Variants in CAPN10 observed in about 807,000 individuals in gnomAD.
CAPN10 encodes the protein calpain-10.
A neutral mutation model predicts 78.4 loss-of-function variants in CAPN10; 71 were observed. That is an observed-to-expected ratio of 0.91 (90% confidence interval 0.75 to 1.10). The LOEUF (loss-of-function observed/expected upper bound fraction) is 1.10, where lower values mean the gene tolerates loss of function less well. Ranked by LOEUF, CAPN10 falls within the 50% of genes least tolerant of loss-of-function variation. CAPN10 has a pLI of 0.00. For synonymous variants in CAPN10, 437 were observed against 407.2 expected (o/e 1.07, Z -0.88); for missense variants, 849 against 924.6 (o/e 0.92, Z 1.06).
Position 240,590,851 on chromosome 2 carries a change from G to A in CAPN10, c.310G>A (p.Glu104Lys). 1 of 1,614,234 alleles carries A rather than the reference G, an allele frequency of 6.2e-7. No individual in the cohort carries two copies. Among genetic ancestry groups the A allele is most frequent in the East Asian group, 2.2e-5 (1 of 44,894 alleles). The change falls in exon 3 of 12, where the codon GAG becomes AAG. Residue 104 changes from glutamate (E) to lysine (K), a missense_variant. Transcript: ENST00000391984. ...GGGACAGCCGAGCTGGGCCGACCAG[G>A]AGTACCGGGGCTCCTTCACCTGTCG... is the stretch of plus-strand genomic sequence containing the variant. ...PPGQPSWADQ[E>K]YRGSFTCRIW...
rs1249721523 is a variant in CAPN10, at chr2:240,596,860, C to T, written c.1661C>T (p.Pro554Leu). 2 of 1,613,478 alleles carry T rather than the reference C, an allele frequency of 1.2e-6. No homozygotes were observed. The highest frequency in any genetic ancestry group is 1.3e-5 in the African/African-American group (1 of 74,946). The stretch of plus-strand genomic sequence containing the variant: ...TTCTCGGTCCCCGAGGGCCCTGGCC[C>T]CCGCTGCGTCCGCATCACTCTGCAT... ...FPFSVPEGPG[P>L]RCVRITLHQH... The change falls in exon 9 of 12, where the codon CCC (proline) becomes CTC (leucine). Residue 554 changes from proline (P) to leucine (L), a missense_variant. Physicochemically the swap from Pro to Leu is moderately conservative, Grantham distance 98 (BLOSUM62 -3). Coordinates refer to ENST00000391984, the MANE Select transcript of CAPN10 (RefSeq NM_023083.4).
intron 9 of CAPN10, among the ~76,000 whole-genome samples, chr2:240,597,632 G>T (rs1213329705): frequency 6.6e-6 from 1 of 152,210 alleles, no homozygotes; most frequent in South Asian, 2.1e-4. Flanking sequence ...CCTTGGGGCG[G>T]GCTGGGCAGT....
chr2:240,589,127 G>T (rs2093085559), intron 1 of CAPN10, among the ~76,000 whole-genome samples: 1 of 152,146 alleles, frequency 6.6e-6, no homozygotes, highest in Non-Finnish European at 1.5e-5. Context: ...TTCCAGTAAG[G>T]AAGGAAGGCA....
intron 7 of CAPN10, chr2:240,595,840 TG>T: frequency 3.6e-6 from 3 of 834,200 alleles, no homozygotes; most frequent in Admixed American, 2.3e-5. Flanking sequence ...GAAGAACAGA[TG>T]GGGGCGCCTG....
chr2:240,586,860 G>C lies in CAPN10; in HGVS notation c.-52G>C. On this transcript the variant is annotated 5_prime_UTR_variant, in exon 1 of 12. Coordinates refer to ENST00000391984, the MANE Select transcript of CAPN10 (RefSeq NM_023083.4). ...CGGCGGCTGACTCGCCTTCTCTCCG[G>C]GGCTGCGACCCCGAGGCAACCGGCT... 7.5e-7 allele frequency: 1 copy of C among 1,329,530 alleles called. No individual in the cohort carries two copies. Among genetic ancestry groups the C allele is most frequent in the Non-Finnish European group, 9.6e-7 (1 of 1,043,930 alleles). 82.4% of individuals were successfully genotyped at this position (1,329,530 alleles called of 1,614,324 possible).
chr2:240,597,688 G>A (rs564251316), intron 9 of CAPN10, among the ~76,000 whole-genome samples, 200 bp from the exon 10 acceptor site: 2 of 152,286 alleles, frequency 1.3e-5, no homozygotes, highest in African/African-American at 4.8e-5. Context: ...TCCAGGCGGG[G>A]GCCCCACTGC....
chr2:240,598,599 G>A (rs2093152373), intron 11 of CAPN10, 52 bp from the exon 12 acceptor site: 1 of 1,552,178 alleles, frequency 6.4e-7, no homozygotes, highest in Non-Finnish European at 8.7e-7. Context: ...GGGGTGGGGT[G>A]TGAGAAGGGG....
intron 1 of CAPN10, among the ~76,000 whole-genome samples, chr2:240,588,089 G>A (rs1188812546): frequency 2.0e-5 from 3 of 152,126 alleles, no homozygotes; most frequent in Admixed American, 2.0e-4. Flanking sequence ...AGAGGGTGAG[G>A]ATAGTGGAGG....
intron 6 of CAPN10, 87 bp from the exon 7 acceptor site, chr2:240,594,937 G>A (rs12994375): frequency 2.1e-6 from 3 of 1,399,380 alleles, no homozygotes; most frequent in African/African-American, 1.5e-5. Context: ...CTGCTGCTTA[G>A]ACCCTGCCAG....
chr2:240,591,373 G>T, intron 3 of CAPN10: 1 of 259,572 alleles, frequency 3.9e-6, no homozygotes, highest in Non-Finnish European at 7.4e-6. Flanking sequence ...TCGTTGGGGA[G>T]GAATGAGGCT....
chr2:240,596,858 C>A lies in CAPN10; in HGVS notation c.1659C>A (p.Gly553=). The A allele has an allele frequency of 1.2e-6, 2 of 1,613,578 alleles. No homozygotes were observed. The highest frequency in any genetic ancestry group is 1.7e-6 in the Non-Finnish European group (2 of 1,180,010). The change falls in exon 9 of 12, where the codon GGC becomes GGA. Residue 553 remains glycine, a synonymous_variant. Transcript: ENST00000391984. ...CCTTCTCGGTCCCCGAGGGCCCTGG[C>A]CCCCGCTGCGTCCGCATCACTCTGC... The part of the protein sequence containing the change: ...CFPFSVPEGP[G]PRCVRITLHQ...
chr2:240,590,761 C>T lies in CAPN10; in HGVS notation c.274-54C>T, dbSNP rs556330121. On this transcript the variant is annotated intron_variant, in intron 2 of 11. Coordinates refer to ENST00000391984, the MANE Select transcript of CAPN10 (RefSeq NM_023083.4). ...CACCGCGGCCGGGACACTGGAGTAGCGCCGGGTGGTGCTTATATCACGCTC... is the reference window on the plus strand; with the variant it reads ...CACCGCGGCCGGGACACTGGAGTAGTGCCGGGTGGTGCTTATATCACGCTC... The T allele has an allele frequency of 1.9e-3, 2,949 of 1,551,978 alleles. 6 individuals carry two copies. Among genetic ancestry groups the T allele is most frequent in the Non-Finnish European group, 2.4e-3 (2,715 of 1,133,470 alleles).
rs1038442347 is a variant in CAPN10, at chr2:240,594,162, C to G, written c.830+115C>G. 2.8e-6 allele frequency: 3 copies of G among 1,087,950 alleles called. No homozygotes were observed. In the East Asian group the frequency reaches 7.7e-5, roughly 28 times the overall value. The allele number at this position is 1,087,950 out of a possible 1,614,324, so 67.4% of individuals were successfully genotyped here. ...CTGTACTTGGCTGTCTCCAGCAAGG[C>G]CCCTGAGTCCCTGCTCTCGTGACAC... On this transcript the variant is annotated intron_variant, in intron 5 of 11. Coordinates refer to ENST00000391984, the MANE Select transcript of CAPN10 (RefSeq NM_023083.4).
At position 240,586,782 on chromosome 2, in the gene CAPN10, C is replaced by CGGGCTTGGA. The variant is rs2093070237; in HGVS notation, c.-124_-116dup. The CGGGCTTGGA allele has an allele frequency of 2.1e-6, 2 of 939,494 alleles. No homozygotes were observed. Among genetic ancestry groups the CGGGCTTGGA allele is most frequent in the Non-Finnish European group, 1.4e-6 (1 of 709,936 alleles). 58.2% of individuals were successfully genotyped at this position (939,494 alleles called of 1,614,324 possible). ...CCTGGTCCAGCACCTGCGGGGCCCTCGGGCTTGGAGGGCTGGGCCGGGCGG... is the reference window on the plus strand; with the variant it reads ...CCTGGTCCAGCACCTGCGGGGCCCTCGGGCTTGGAGGGCTTGGAGGGCTGGGCCGGGCGG... On this transcript the variant is annotated 5_prime_UTR_variant, in exon 1 of 12. Transcript: ENST00000391984.
chr2:240,598,428 C>T, intron 11 of CAPN10, 31 bp downstream of exon 11: 2 of 1,612,590 alleles, frequency 1.2e-6, no homozygotes, highest in Non-Finnish European at 8.5e-7. Flanking sequence ...GCCCGGCTCA[C>T]CTGCCTGGGG....
At position 240,591,173 on chromosome 2, in the gene CAPN10, C is replaced by T. The variant is rs1436734846; in HGVS notation, c.470+162C>T. On this transcript the variant is annotated intron_variant, in intron 3 of 11. Coordinates refer to ENST00000391984, the MANE Select transcript of CAPN10 (RefSeq NM_023083.4). ...GTGAGTCAGGCTGACAGGCCAGGTGCAGAGATTCTTCTTTTGGGCCTGTGG... is the reference window on the plus strand; with the variant it reads ...GTGAGTCAGGCTGACAGGCCAGGTGTAGAGATTCTTCTTTTGGGCCTGTGG... 9 of 632,148 alleles carry T rather than the reference C, an allele frequency of 1.4e-5. No individual in the cohort carries two copies. The South Asian group carries it at 1.5e-4, about 10-fold the overall frequency. 39.2% of individuals were successfully genotyped at this position (632,148 alleles called of 1,614,324 possible).
In CAPN10 at chr2:240,597,876, C is replaced by T. The variant is rs375182428; in HGVS notation, c.1744-12C>T. ...GGCTGGCCCCCTCAGTCTGAGCCTGCGCTTTCCTCAGGTCCCAGAGGGTGG... is the reference window on the plus strand; with the variant it reads ...GGCTGGCCCCCTCAGTCTGAGCCTGTGCTTTCCTCAGGTCCCAGAGGGTGG... On this transcript the variant is annotated splice_polypyrimidine_tract_variant and intron_variant, in intron 9 of 11. Transcript: ENST00000391984. 9.6e-5 allele frequency: 152 copies of T among 1,579,504 alleles called. No homozygotes were observed. The highest frequency in any genetic ancestry group is 1.2e-4 in the Non-Finnish European group (139 of 1,164,222).
Position 240,597,973 on chromosome 2 carries a change from A to G in CAPN10, c.1829A>G (p.Gln610Arg). 2 of 1,613,080 alleles carry G rather than the reference A, an allele frequency of 1.2e-6. No individual in the cohort carries two copies. The highest frequency in any genetic ancestry group is 8.5e-7 in the Non-Finnish European group (1 of 1,179,954). The change falls in exon 10 of 12, where the codon CAG (glutamine) becomes CGG (arginine). Residue 610 changes from glutamine to arginine, a missense_variant. Gln to Arg is a conservative substitution (Grantham distance 43). Transcript: ENST00000391984. Reference sequence around the variant, plus strand: ...AGCTGCGTGCCACATCGCTACGCCCAGGAGGTGAGCCGGCTCTGCCTCCTG... The same window carrying G: ...AGCTGCGTGCCACATCGCTACGCCCGGGAGGTGAGCCGGCTCTGCCTCCTG... ...LLSCVPHRYAQEVSRLCLLPA... is the reference protein window; with the variant it reads ...LLSCVPHRYAREVSRLCLLPA...
intron 4 of CAPN10, among the ~76,000 whole-genome samples, chr2:240,593,497 A>G (rs925558283): frequency 6.6e-6 from 1 of 152,248 alleles, no homozygotes; most frequent in Non-Finnish European, 1.5e-5. Flanking sequence ...CACTATCTGA[A>G]TGTCCTACCT....
Sources: allele counts gnomAD v4.1 joint callset (sites outside exome capture counted in the v4.1 genomes callset), GRCh38; gene constraint gnomAD v4.1.1; transcripts MANE v1.5; gene names NCBI Gene and HGNC (gene_info 2026-07-23, HGNC 2026-07-21).